The following PTPRD variants were observed in gnomAD, a reference collection of about 807,000 sequenced individuals.
PTPRD encodes the protein receptor-type tyrosine-protein phosphatase delta.
In PTPRD, 34 loss-of-function variants were observed where a neutral mutation model predicts 214.5. That is an observed-to-expected ratio of 0.16 (90% CI 0.12 to 0.21). The LOEUF is 0.21. PTPRD is among the 10% of genes least tolerant of loss of function. The probability of loss-of-function intolerance (pLI) is 1.00; values close to 1 mark genes in which losing one functional copy is unlikely to be tolerated. For missense variants in PTPRD, 2,545 were observed against 2,398.7 expected, an observed-to-expected ratio of 1.06 and a Z score of -1.27; for synonymous variants, 1,128 against 845.7, an observed-to-expected ratio of 1.33 and a Z score of -5.79.
intron 34 of PTPRD, among the ~76,000 whole-genome samples, chr9:8,443,160 A>G (rs969956434): frequency 6.6e-6 from 1 of 152,240 alleles, no homozygotes; most frequent in Non-Finnish European, 1.5e-5. Flanking sequence ...ATTTTAAAAA[A>G]TTTTTGTAAA....
At chr9:9,221,495 G>C (rs1274354814) in intron 9 of PTPRD, among the ~76,000 whole-genome samples, 1 of 152,068 alleles carries the variant, frequency 6.6e-6, no homozygotes. Flanking sequence ...AGGCTGGGAA[G>C]CCTGAGATCA....
intron 11 of PTPRD, among the ~76,000 whole-genome samples, chr9:8,751,459 C>CAAACAAA (rs2093524970): frequency 6.6e-6 from 1 of 151,780 alleles, no homozygotes; most frequent in African/African-American, 2.4e-5. Flanking sequence ...TTTTGTAGAT[C>CAAACAAA]AAAGCCTTTT....
intron 4 of PTPRD, among the ~76,000 whole-genome samples, chr9:10,015,220 C>T (rs1347614587): frequency 6.6e-6 from 1 of 152,076 alleles, no homozygotes; most frequent in African/African-American, 2.4e-5. Flanking sequence ...GAGTTACCAG[C>T]TTTTTCATTG....
intron 2 of PTPRD, among the ~76,000 whole-genome samples, chr9:10,471,145 T>C (rs764788465): frequency 2.7e-5 from 3 of 110,670 alleles, no homozygotes; most frequent in Non-Finnish European, 5.5e-5. Flanking sequence ...GGGCCTGTTG[T>C]GGGTTGGGGG....
chr9:9,071,540 G>A (rs1313484373), intron 10 of PTPRD, among the ~76,000 whole-genome samples: 1 of 152,150 alleles, frequency 6.6e-6, no homozygotes, highest in Non-Finnish European at 1.5e-5. Context: ...AGTAGCCCCT[G>A]GGAACTATGG....
chr9:9,529,362 G>T (rs938648467), intron 8 of PTPRD, among the ~76,000 whole-genome samples: 4 of 151,488 alleles, frequency 2.6e-5, no homozygotes, highest in Admixed American at 6.6e-5. Context: ...CCAAACTAAG[G>T]CTGGGTGAAA....
chr9:10,240,503 T>G (rs992671116), intron 3 of PTPRD, among the ~76,000 whole-genome samples: 1 of 151,930 alleles, frequency 6.6e-6, no homozygotes, highest in Admixed American at 6.6e-5. Context: ...TATACTATGA[T>G]GTAAAGTGGG....
intron 2 of PTPRD, among the ~76,000 whole-genome samples, chr9:10,472,661 G>GA (rs2099038804): frequency 6.6e-6 from 1 of 151,954 alleles, no homozygotes; most frequent in Non-Finnish European, 1.5e-5. Flanking sequence ...CCAATGCCTG[G>GA]AAAAATCCTA....
intron 2 of PTPRD, among the ~76,000 whole-genome samples, chr9:10,529,345 T>C (rs916404840): frequency 1.3e-5 from 2 of 152,080 alleles, no homozygotes; most frequent in African/African-American, 4.8e-5. Flanking sequence ...TTAGACTGGA[T>C]AAACAATATG....
chr9:8,590,159 G>A (rs936557290), intron 14 of PTPRD, among the ~76,000 whole-genome samples: 1 of 152,046 alleles, frequency 6.6e-6, no homozygotes, highest in African/African-American at 2.4e-5. Context: ...TTTTATTAAA[G>A]CTGATAATAG....
intron 34 of PTPRD, among the ~76,000 whole-genome samples, chr9:8,442,950 G>A (rs890134332): frequency 6.6e-6 from 1 of 152,124 alleles, no homozygotes; most frequent in African/African-American, 2.4e-5. Context: ...TGTCCAGCCT[G>A]GGCAACAGAG....
intron 12 of PTPRD, among the ~76,000 whole-genome samples, chr9:8,682,110 C>A (rs908966286): frequency 2.0e-5 from 3 of 152,118 alleles, no homozygotes; most frequent in Non-Finnish European, 4.4e-5. Flanking sequence ...GATATAGACA[C>A]CTTTGTCATT....
At chr9:9,794,200 T>A (rs535758802) in intron 5 of PTPRD, among the ~76,000 whole-genome samples, 22 of 147,472 alleles carry the variant, frequency 1.5e-4, no homozygotes, top group African/African-American at 5.7e-4. Flanking sequence ...TGTGTGTGTG[T>A]GTATATATAT....
Position 9,358,268 on chromosome 9 carries a change from A to C in PTPRD, c.-203+39181T>G, listed in dbSNP as rs572959572. On this transcript the variant is annotated intron_variant, in intron 9 of 45. Coordinates refer to ENST00000381196, the MANE Select transcript of PTPRD (RefSeq NM_002839.4). ...TTGTCTATTTAAAAATATAGACCAA[A>C]ATTATTTATATTATGCTATTTGCTT... Among the ~76,000 whole-genome samples the C allele has an allele frequency of 1.6e-3, 247 of 151,428 alleles. 3 individuals carry two copies. Among genetic ancestry groups the C allele is most frequent in the African/African-American group, 5.7e-3 (238 of 41,430 alleles).
At chr9:10,031,900 T>C (rs1397287576) in intron 4 of PTPRD, among the ~76,000 whole-genome samples, 1 of 151,984 alleles carries the variant, frequency 6.6e-6, no homozygotes, top group Non-Finnish European at 1.5e-5. Flanking sequence ...GGATTTTGAA[T>C]TGGTTCAGCA....
At chr9:10,478,175 C>T (rs2099075393) in intron 2 of PTPRD, among the ~76,000 whole-genome samples, 1 of 151,970 alleles carries the variant, frequency 6.6e-6, no homozygotes, top group Non-Finnish European at 1.5e-5. Context: ...ATCAGAATAC[C>T]ACCCGAATTC....
chr9:10,428,385 C>T (rs1440414033), intron 2 of PTPRD, among the ~76,000 whole-genome samples: 1 of 152,020 alleles, frequency 6.6e-6, no homozygotes, highest in Non-Finnish European at 1.5e-5. Flanking sequence ...CATAACAGAT[C>T]TACCTTTAAA....
chr9:10,348,631 TC>T (rs1406322023), intron 2 of PTPRD, among the ~76,000 whole-genome samples: 1 of 152,192 alleles, frequency 6.6e-6, no homozygotes, highest in East Asian at 1.9e-4. Context: ...AAAGTTTACC[TC>T]CCCTGTTTGC....
intron 35 of PTPRD, among the ~76,000 whole-genome samples, chr9:8,418,073 A>G (rs148880556): frequency 4.1e-4 from 62 of 152,306 alleles, no homozygotes; most frequent in African/African-American, 1.3e-3. Flanking sequence ...CCAACTCAAT[A>G]TAAATATTGG....
Sources: allele counts gnomAD v4.1 joint callset (sites outside exome capture counted in the v4.1 genomes callset), GRCh38; gene constraint gnomAD v4.1.1; transcripts MANE v1.5; gene names NCBI Gene and HGNC (gene_info 2026-07-23, HGNC 2026-07-21).